IL5: variants seen among roughly 807,000 people sequenced by gnomAD.
The protein encoded by IL5 is interleukin 5, also known as interleukin-5.
IL5 carries 12 observed loss-of-function variants against 16.3 expected under a neutral mutation model. That is an observed-to-expected ratio of 0.74 (90% confidence interval 0.47 to 1.20). The LOEUF is 1.20. Among genes scored for constraint, IL5 ranks in the 50% most tolerant of loss-of-function variants. The pLI, the probability that IL5 is intolerant of heterozygous loss-of-function variation, is 0.00. For synonymous variants in IL5, 54 were observed against 56.6 expected (o/e 0.95, Z 0.21); for missense variants, 159 against 153.9 (o/e 1.03, Z -0.17).
At chr5:132,551,706 T>A (rs138353761) in intron 1 of IL5, among the ~76,000 whole-genome samples, 7 of 152,356 alleles carry the variant, frequency 4.6e-5, no homozygotes, top group African/African-American at 1.4e-4. Context: ...CTTTTATGAA[T>A]CTTTCTTAAA....
At chr5:132,546,644 G>A (rs534593182), upstream of IL5, among the ~76,000 whole-genome samples, 6 of 152,110 alleles carry the variant, frequency 3.9e-5, no homozygotes, top group African/African-American at 9.6e-5. Flanking sequence ...TAAAGTTTTC[G>A]TGTCATTAAC....
At chr5:132,553,740 T>C (rs1230478093) in intron 1 of IL5, among the ~76,000 whole-genome samples, 4 of 149,340 alleles carry the variant, frequency 2.7e-5, no homozygotes, top group African/African-American at 9.8e-5. Context: ...ATAGAGACCA[T>C]CCTGGCTAAC....
chr5:132,553,006 A>G (rs1749909328), intron 1 of IL5, among the ~76,000 whole-genome samples: 1 of 152,106 alleles, frequency 6.6e-6, no homozygotes, highest in South Asian at 2.1e-4. Flanking sequence ...TTTATTATCT[A>G]ATTTCCAGTC....
At chr5:132,550,721 A>G (rs902329257) in intron 1 of IL5, among the ~76,000 whole-genome samples, 1 of 152,196 alleles carries the variant, frequency 6.6e-6, no homozygotes, top group Admixed American at 6.5e-5. Context: ...CAGGAGATAT[A>G]TTTCTTTCTC....
At chr5:132,548,339 C>A (rs985024727), upstream of IL5, among the ~76,000 whole-genome samples, 19 of 151,920 alleles carry the variant, frequency 1.3e-4, no homozygotes, top group African/African-American at 4.4e-4. Context: ...TTTATTGAAT[C>A]GATCTCTTCA....
At chr5:132,543,038 A>T in intron 2 of IL5, 56 bp downstream of exon 2, 1 of 1,319,834 alleles carries the variant, frequency 7.6e-7, no homozygotes, top group Non-Finnish European at 1.1e-6. Flanking sequence ...TTACAGCTTA[A>T]AACAGGAAAT....
intron 1 of IL5, chr5:132,556,669 C>T (rs1749990830): frequency 8.0e-7 from 1 of 1,251,656 alleles, no homozygotes. Context: ...TTGACACGAA[C>T]TGACCCCGCT....
upstream of IL5, among the ~76,000 whole-genome samples, chr5:132,546,408 T>G (rs1223230152): frequency 1.3e-5 from 2 of 152,226 alleles, no homozygotes; most frequent in Non-Finnish European, 1.5e-5. Flanking sequence ...ACTTGGCTTT[T>G]TGTGACTGGC....
chr5:132,542,639 C>T (rs909550906), intron 2 of IL5, among the ~76,000 whole-genome samples: 5 of 152,110 alleles, frequency 3.3e-5, no homozygotes, highest in Admixed American at 1.3e-4. Flanking sequence ...ATGCATACAA[C>T]ACCATCATAT....
chr5:132,548,574 T>G (rs1192148830), intron 1 of IL5, among the ~76,000 whole-genome samples: 2 of 152,198 alleles, frequency 1.3e-5, no homozygotes, highest in Non-Finnish European at 2.9e-5. Context: ...TATGTGGAGT[T>G]TGCACAATCT....
upstream of IL5, among the ~76,000 whole-genome samples, chr5:132,545,982 C>A (rs903452166): frequency 6.6e-6 from 1 of 151,994 alleles, no homozygotes; most frequent in Non-Finnish European, 1.5e-5. Flanking sequence ...AAAAGGAAGG[C>A]TGAAATCCTG....
chr5:132,553,003 T>G (rs912044387), intron 1 of IL5, among the ~76,000 whole-genome samples: 2 of 152,108 alleles, frequency 1.3e-5, no homozygotes, highest in Admixed American at 1.3e-4. Context: ...TTTTTTATTA[T>G]CTAATTTCCA....
Position 132,552,285 on chromosome 5 carries a change from C to A in IL5, c.42+4389G>T, listed in dbSNP as rs189283535. Among the ~76,000 whole-genome samples, 9 of 151,960 alleles carry A rather than the reference C, an allele frequency of 5.9e-5. No homozygotes were observed. In the East Asian group the frequency reaches 1.7e-3, roughly 29 times the overall value. ...TCTGTCTCAAAAACAAAAACAACAA[C>A]AACAACAACAAAAAACAAAGAATAA... On this transcript the variant is annotated intron_variant, in intron 1 of 2. Coordinates refer to the IL5 transcript ENST00000450655.
In IL5 at chr5:132,549,881, A is replaced by AT. The variant is rs552802272; in HGVS notation, c.43-6756dup. 5.6e-3 allele frequency among the ~76,000 whole-genome samples: 846 copies of AT among 152,224 alleles called. 3 individuals are homozygous for AT. The highest frequency in any genetic ancestry group is 8.4e-3 in the Non-Finnish European group (574 of 68,016). ...ATCCTTTCAATCTCCCTTTAATATGATTTTTTAATTGAATAAATAACATTA... is the reference window on the plus strand; with the variant it reads ...ATCCTTTCAATCTCCCTTTAATATGATTTTTTTAATTGAATAAATAACATTA... On this transcript the variant is annotated intron_variant, in intron 1 of 2. Coordinates refer to the IL5 transcript ENST00000450655.
chr5:132,543,413 T>C lies in IL5; in HGVS notation c.66A>G (p.Thr22=). The change falls in exon 1 of 4, where the codon ACA becomes ACG. Residue 22 remains threonine, a synonymous_variant. Coordinates refer to ENST00000231454, the MANE Select transcript of IL5 (RefSeq NM_000879.3). Reference sequence around the variant, plus strand: ...TCACCAATGCACTTGTGGGAATTTCTGTGGGGATGGCATACACGTAGGCAG... The same window carrying C: ...TCACCAATGCACTTGTGGGAATTTCCGTGGGGATGGCATACACGTAGGCAG... The part of the protein sequence containing the change: ...LGAAYVYAIP[T]EIPTSALVKE... 6.2e-7 allele frequency: 1 copy of C among 1,614,194 alleles called. No individual in the cohort carries two copies. Among genetic ancestry groups the C allele is most frequent in the Non-Finnish European group, 8.5e-7 (1 of 1,180,012 alleles).
chr5:132,544,142 G>A (rs1024091587), upstream of IL5, among the ~76,000 whole-genome samples: 3 of 152,142 alleles, frequency 2.0e-5, no homozygotes, highest in African/African-American at 4.8e-5. Flanking sequence ...ACATTTTGAT[G>A]GCTTCAGTGA....
intron 1 of IL5, among the ~76,000 whole-genome samples, chr5:132,554,460 A>T (rs1749939661): frequency 6.6e-6 from 1 of 152,014 alleles, no homozygotes; most frequent in Admixed American, 6.6e-5. Context: ...TGCTACTAAT[A>T]ATTATTGAAA....
chr5:132,542,787 C>A (rs1394090407), intron 2 of IL5, among the ~76,000 whole-genome samples: 2 of 152,124 alleles, frequency 1.3e-5, no homozygotes, highest in African/African-American at 4.8e-5. Context: ...GAGAAAGAGT[C>A]AGAACTGCAC....
intron 1 of IL5, among the ~76,000 whole-genome samples, chr5:132,551,516 T>C (rs2149826688): frequency 6.6e-6 from 1 of 152,168 alleles, no homozygotes; most frequent in East Asian, 1.9e-4. Flanking sequence ...TGAATTGGCA[T>C]GTCTACATAG....
Sources: allele counts gnomAD v4.1 joint callset (sites outside exome capture counted in the v4.1 genomes callset), GRCh38; gene constraint gnomAD v4.1.1; transcripts MANE v1.5; gene names NCBI Gene and HGNC (gene_info 2026-07-23, HGNC 2026-07-21).